B4GALT5: variants seen among roughly 807,000 people sequenced by gnomAD.
B4GALT5 encodes beta-1,4-galactosyltransferase 5, also known as UDP-Gal:beta-GlcNAc beta-1,4-galactosyltransferase 5.
In B4GALT5, 11 loss-of-function variants were observed where a neutral mutation model predicts 45.0. The observed-to-expected ratio is 0.24, with a 90% confidence interval of 0.15 to 0.40. The LOEUF (loss-of-function observed/expected upper bound fraction) is 0.40, where lower values mean the gene tolerates loss of function less well. B4GALT5 is among the 10% of genes least tolerant of loss of function. The probability of loss-of-function intolerance (pLI) is 1.00; values close to 1 mark genes in which losing one functional copy is unlikely to be tolerated. For missense variants in B4GALT5, 337 were observed against 500.2 expected (o/e 0.67, Z 3.11); for synonymous variants, 185 against 182.9 (o/e 1.01, Z -0.09).
At chr20:49,669,116 C>T (rs780520129) in intron 1 of B4GALT5, among the ~76,000 whole-genome samples, 4 of 152,144 alleles carry the variant, frequency 2.6e-5, no homozygotes, top group Non-Finnish European at 5.9e-5. Context: ...CTGCCTCAGC[C>T]TCCCAAACTG....
chr20:49,663,690 A>AAAAAATATATATATAT, intron 1 of B4GALT5, among the ~76,000 whole-genome samples: 1 of 96,946 alleles, frequency 1.0e-5, no homozygotes, highest in African/African-American at 4.5e-5. Flanking sequence ...AAAAAAAAAA[A>AAAAAATATATATATAT]ATATATACAT....
At chr20:49,646,798 C>T (rs2123004194) in intron 3 of B4GALT5, among the ~76,000 whole-genome samples, 167 bp downstream of exon 3, 1 of 152,286 alleles carries the variant, frequency 6.6e-6, no homozygotes, top group South Asian at 2.1e-4. Context: ...ACACAGGCAA[C>T]CTTGCAGCAG....
intron 1 of B4GALT5, among the ~76,000 whole-genome samples, chr20:49,691,286 G>A (rs1568731694): frequency 1.3e-5 from 2 of 152,202 alleles, no homozygotes; most frequent in Admixed American, 6.5e-5. Flanking sequence ...GGAGGCAGAG[G>A]TGGAAGGACT....
intron 1 of B4GALT5, among the ~76,000 whole-genome samples, chr20:49,657,044 T>G (rs2123019290): frequency 6.6e-6 from 1 of 152,328 alleles, no homozygotes; most frequent in Non-Finnish European, 1.5e-5. Context: ...TTAAAACTTT[T>G]TTTTTTTAAA....
At chr20:49,642,162 G>A (rs544520432) in intron 5 of B4GALT5, among the ~76,000 whole-genome samples, 1 of 152,262 alleles carries the variant, frequency 6.6e-6, no homozygotes, top group South Asian at 2.1e-4. Context: ...CCTTGCTGCA[G>A]CTCTTTATCT....
intron 1 of B4GALT5, among the ~76,000 whole-genome samples, chr20:49,707,156 T>C (rs974582986): frequency 7.9e-5 from 12 of 152,162 alleles, no homozygotes; most frequent in African/African-American, 2.9e-4. Context: ...ACTTTCTTTC[T>C]ACTAAAGAAA....
intron 1 of B4GALT5, among the ~76,000 whole-genome samples, chr20:49,704,782 C>T (rs1237453098): frequency 6.6e-6 from 1 of 151,942 alleles, no homozygotes; most frequent in Non-Finnish European, 1.5e-5. Context: ...CTACTCTTTC[C>T]GGTACCCAAT....
chr20:49,706,759 T>C (rs34510474), intron 1 of B4GALT5, among the ~76,000 whole-genome samples: 3 of 152,168 alleles, frequency 2.0e-5, no homozygotes, highest in Non-Finnish European at 2.9e-5. Context: ...TCTTAGCCAG[T>C]GGTAACCTCC....
intron 2 of B4GALT5, among the ~76,000 whole-genome samples, chr20:49,652,291 G>C (rs923415886): frequency 1.3e-5 from 2 of 149,988 alleles, no homozygotes; most frequent in African/African-American, 2.5e-5. Context: ...AGAAGGAATC[G>C]AAAGTGCTGA....
rs915302098 is a variant in B4GALT5 at position 49,635,158 on chromosome 20, T to C, written c.*1154A>G. On this transcript the variant is annotated 3_prime_UTR_variant, in exon 9 of 9. Coordinates refer to ENST00000371711, the MANE Select transcript of B4GALT5 (RefSeq NM_004776.4). ...GAAGCCAGCTGGTAATGTAGGCACA[T>C]TGTTCAGAAACTGTGGCCAAGTTCC... The C allele has an allele frequency of 3.9e-5, 6 of 152,190 alleles. No homozygotes were observed. The highest frequency in any genetic ancestry group is 2.1e-4 in the South Asian group (1 of 4,832). 9.4% of individuals were successfully genotyped at this position (152,190 alleles called of 1,614,324 possible).
At chr20:49,686,562 A>G (rs1008883419) in intron 1 of B4GALT5, among the ~76,000 whole-genome samples, 1 of 151,942 alleles carries the variant, frequency 6.6e-6, no homozygotes, top group Non-Finnish European at 1.5e-5. Flanking sequence ...CATTTTTAGG[A>G]CCCTAGAATT....
In B4GALT5 at chr20:49,633,508, T is replaced by C. The variant is rs1489849005; in HGVS notation, c.*2804A>G. The C allele has an allele frequency of 6.6e-6, 1 of 151,890 alleles. No individual in the cohort carries two copies. The highest frequency in any genetic ancestry group is 6.6e-5 in the Admixed American group (1 of 15,248). The allele number at this position is 151,890 out of a possible 1,614,324, so 9.4% of individuals were successfully genotyped here. A position where few individuals can be genotyped will look rare whatever the true frequency, so the allele number is the denominator to read the frequency against. Reference sequence around the variant, plus strand: ...GGGCCTGGCTGTACGTTTTTAACTATGACATTTCCCATATGATATTCGAGG... The same window carrying C: ...GGGCCTGGCTGTACGTTTTTAACTACGACATTTCCCATATGATATTCGAGG... On this transcript the variant is annotated 3_prime_UTR_variant, in exon 9 of 9. Coordinates refer to ENST00000371711, the MANE Select transcript of B4GALT5 (RefSeq NM_004776.4).
At chr20:49,696,949 T>C (rs1034176566) in intron 1 of B4GALT5, among the ~76,000 whole-genome samples, 2 of 152,190 alleles carry the variant, frequency 1.3e-5, no homozygotes, top group Admixed American at 6.5e-5. Context: ...CCTGAAACTA[T>C]AGCTTCAATC....
intron 1 of B4GALT5, among the ~76,000 whole-genome samples, chr20:49,712,036 C>A (rs1022475085): frequency 3.9e-5 from 6 of 152,188 alleles, no homozygotes; most frequent in Admixed American, 1.3e-4. Flanking sequence ...CCTGCCCCTA[C>A]CCCAGCAGCA....
In B4GALT5 at chr20:49,632,999, C is replaced by T. The variant is rs1331824261; in HGVS notation, c.*3313G>A. Reference sequence around the variant, plus strand: ...AAAAAATCATTCATAAATTAACATACAAAAATGTACAAACACATGAGTAAA... The same window carrying T: ...AAAAAATCATTCATAAATTAACATATAAAAATGTACAAACACATGAGTAAA... On this transcript the variant is annotated 3_prime_UTR_variant, in exon 9 of 9. Coordinates refer to ENST00000371711, the MANE Select transcript of B4GALT5 (RefSeq NM_004776.4). 6.6e-6 allele frequency: 1 copy of T among 152,534 alleles called. No individual in the cohort carries two copies. The highest frequency in any genetic ancestry group is 1.5e-5 in the Non-Finnish European group (1 of 68,014). 9.4% of individuals were successfully genotyped at this position (152,534 alleles called of 1,614,324 possible).
intron 1 of B4GALT5, among the ~76,000 whole-genome samples, chr20:49,709,214 A>G (rs534737927): frequency 6.6e-6 from 1 of 152,200 alleles, no homozygotes; most frequent in Non-Finnish European, 1.5e-5. Flanking sequence ...CAGGTCATAA[A>G]TAAGTTCAAA....
chr20:49,713,282 A>C (rs1268591455), intron 1 of B4GALT5, among the ~76,000 whole-genome samples: 1 of 115,646 alleles, frequency 8.6e-6, no homozygotes, highest in Non-Finnish European at 1.8e-5. Context: ...AAGAGCGGGA[A>C]GGGGGTTCCG....
chr20:49,693,295 T>A (rs887458526), intron 1 of B4GALT5, among the ~76,000 whole-genome samples: 1 of 152,246 alleles, frequency 6.6e-6, no homozygotes, highest in Non-Finnish European at 1.5e-5. Flanking sequence ...TGACTGCATA[T>A]GCTTGCCACC....
At chr20:49,679,061 G>C (rs984107339) in intron 1 of B4GALT5, among the ~76,000 whole-genome samples, 2 of 152,184 alleles carry the variant, frequency 1.3e-5, no homozygotes, top group African/African-American at 4.8e-5. Context: ...AATACAAAAG[G>C]AGAGAAGAAT....
Sources: gnomAD v4.1 joint callset for allele counts (sites outside exome capture counted in the v4.1 genomes callset) on GRCh38, gnomAD v4.1.1 for gene constraint, MANE v1.5 for transcripts, NCBI Gene and HGNC (gene_info 2026-07-23, HGNC 2026-07-21) for gene names.